ELOVL5: variants seen among roughly 807,000 people sequenced by gnomAD.
The protein encoded by ELOVL5 is ELOVL fatty acid elongase 5, also known as very long chain fatty acid elongase 5.
In ELOVL5, 8 loss-of-function variants were observed where a neutral mutation model predicts 38.6. The ratio of observed to expected loss-of-function variants is 0.21; its 90% confidence interval spans 0.12 to 0.37. ELOVL5 has a LOEUF of 0.37. ELOVL5 is among the 10% of genes least tolerant of loss of function. The pLI is 1.00. For missense variants in ELOVL5, 280 were observed against 367.8 expected (o/e 0.76, Z 1.95); for synonymous variants, 127 against 133.7 (o/e 0.95, Z 0.34).
intron 1 of ELOVL5, among the ~76,000 whole-genome samples, chr6:53,340,820 A>T (rs991289600): frequency 6.6e-6 from 1 of 152,232 alleles, no homozygotes; most frequent in Non-Finnish European, 1.5e-5. Flanking sequence ...CAAGCTATAC[A>T]TGACTTGTAC....
intron 1 of ELOVL5, among the ~76,000 whole-genome samples, chr6:53,305,555 C>T (rs1767488804): frequency 6.6e-6 from 1 of 151,450 alleles, no homozygotes; most frequent in Non-Finnish European, 1.5e-5. Flanking sequence ...CTCCTCACCT[C>T]CCAGACGGGG....
rs115303607 is a variant in ELOVL5, at chr6:53,348,735, C to T, written c.-9+82G>A. On this transcript the variant is annotated intron_variant, in intron 1 of 7. Transcript: ENST00000304434. The stretch of plus-strand genomic sequence containing the variant: ...GAGACCTAACGGCAGTTCTCTCTGA[C>T]CGCTTCCCGGCCGCGCGCTCGCGCG... The T allele has an allele frequency of 3.0e-3, 1,338 of 444,356 alleles. 17 individuals are homozygous for T. Among genetic ancestry groups the T allele is most frequent in the African/African-American group, 0.025 (1,225 of 49,064 alleles). 27.5% of individuals were successfully genotyped at this position (444,356 alleles called of 1,614,324 possible). A position where few individuals can be genotyped will look rare whatever the true frequency, so the allele number is the denominator to read the frequency against.
chr6:53,293,571 G>A lies in ELOVL5; in HGVS notation c.59-1608C>T, dbSNP rs546983182. 3.4e-4 allele frequency among the ~76,000 whole-genome samples: 52 copies of A among 152,220 alleles called. 1 individual carries two copies. Among genetic ancestry groups the A allele is most frequent in the Admixed American group, 1.6e-3 (25 of 15,280 alleles). ...GACCTCAGGGGACCCACCTGCCTTG[G>A]CCTCCCAAAGTACTGGGATTACAGG... On this transcript the variant is annotated intron_variant, in intron 2 of 7. Coordinates refer to ENST00000304434, the MANE Select transcript of ELOVL5 (RefSeq NM_021814.5).
intron 1 of ELOVL5, among the ~76,000 whole-genome samples, chr6:53,326,295 C>A (rs769872443): frequency 3.3e-5 from 5 of 152,266 alleles, no homozygotes; most frequent in Admixed American, 1.3e-4. Context: ...CCACATTGCA[C>A]CTGAGTTCTT....
At chr6:53,278,255 T>C (rs1410301315) in intron 3 of ELOVL5, among the ~76,000 whole-genome samples, 1 of 152,180 alleles carries the variant, frequency 6.6e-6, no homozygotes, top group Non-Finnish European at 1.5e-5. Context: ...GGATGGCTGG[T>C]GTGTGTGCAC....
chr6:53,320,580 C>A (rs1333314139), intron 1 of ELOVL5, among the ~76,000 whole-genome samples: 1 of 152,038 alleles, frequency 6.6e-6, no homozygotes, highest in Middle Eastern at 3.2e-3. Context: ...ACCTCGGCCT[C>A]CCAAAGTGCT....
chr6:53,340,832 A>G (rs775271123), intron 1 of ELOVL5, among the ~76,000 whole-genome samples: 2 of 152,202 alleles, frequency 1.3e-5, no homozygotes, highest in Non-Finnish European at 2.9e-5. Flanking sequence ...GACTTGTACG[A>G]CTTGTACACC....
chr6:53,305,618 G>T (rs1767496701), intron 1 of ELOVL5, among the ~76,000 whole-genome samples: 1 of 151,368 alleles, frequency 6.6e-6, no homozygotes, highest in African/African-American at 2.4e-5. Context: ...CGGCCGGGCA[G>T]AGACGCTCCT....
chr6:53,296,514 A>G (rs1383310197), intron 1 of ELOVL5, among the ~76,000 whole-genome samples: 4 of 152,218 alleles, frequency 2.6e-5, no homozygotes, highest in Non-Finnish European at 4.4e-5. Flanking sequence ...TATCATATTT[A>G]TAAGTATAAT....
chr6:53,279,418 C>T (rs149133390), intron 3 of ELOVL5, among the ~76,000 whole-genome samples: 59 of 152,320 alleles, frequency 3.9e-4, no homozygotes, highest in African/African-American at 1.3e-3. Flanking sequence ...CCTCACCTTG[C>T]AGTGACCTGT....
At chr6:53,344,052 A>G (rs945651412) in intron 1 of ELOVL5, among the ~76,000 whole-genome samples, 2 of 152,244 alleles carry the variant, frequency 1.3e-5, no homozygotes, top group Non-Finnish European at 2.9e-5. Flanking sequence ...TATAAGCTCC[A>G]TCTCTACCCA....
chr6:53,312,768 CA>C (rs1488209453), intron 1 of ELOVL5, among the ~76,000 whole-genome samples: 1 of 152,186 alleles, frequency 6.6e-6, no homozygotes, highest in Non-Finnish European at 1.5e-5. Flanking sequence ...ATGAGAAAAA[CA>C]AACTAGGCTG....
At chr6:53,280,801 C>T (rs987985385) in intron 3 of ELOVL5, among the ~76,000 whole-genome samples, 4 of 152,124 alleles carry the variant, frequency 2.6e-5, no homozygotes, top group Non-Finnish European at 5.9e-5. Context: ...CACCATGTTG[C>T]GCAGGCTGGT....
intron 1 of ELOVL5, among the ~76,000 whole-genome samples, chr6:53,348,095 G>A (rs1465252244): frequency 1.3e-5 from 2 of 149,612 alleles, no homozygotes; most frequent in African/African-American, 4.9e-5. Context: ...AGAAAGGGCC[G>A]CCCCGGTCGC....
intron 1 of ELOVL5, among the ~76,000 whole-genome samples, chr6:53,298,715 G>A (rs1370958377): frequency 6.6e-6 from 1 of 152,114 alleles, no homozygotes; most frequent in Non-Finnish European, 1.5e-5. Flanking sequence ...CTGCTTCTCG[G>A]CAGGGGCACT....
At chr6:53,294,201 C>T (rs1180028603) in intron 2 of ELOVL5, 6 of 1,472,588 alleles carry the variant, frequency 4.1e-6, no homozygotes, top group Non-Finnish European at 5.4e-6. Flanking sequence ...TCCCGGGCAC[C>T]TGACCCGAAC....
At chr6:53,339,512 C>A (rs1212434987) in intron 1 of ELOVL5, among the ~76,000 whole-genome samples, 1 of 152,164 alleles carries the variant, frequency 6.6e-6, no homozygotes, top group Non-Finnish European at 1.5e-5. Flanking sequence ...AGAATGTTTT[C>A]AAAATATAGT....
chr6:53,289,715 T>A (rs1421802938), intron 3 of ELOVL5, among the ~76,000 whole-genome samples: 3 of 152,114 alleles, frequency 2.0e-5, no homozygotes, highest in Admixed American at 2.0e-4. Flanking sequence ...AGTGAAACTG[T>A]CTCAAAACAA....
At chr6:53,311,172 C>A (rs1387537736) in intron 1 of ELOVL5, among the ~76,000 whole-genome samples, 1 of 152,124 alleles carries the variant, frequency 6.6e-6, no homozygotes, top group Admixed American at 6.5e-5. Context: ...CTAGAGACAG[C>A]CAACTGACAC....
Sources: allele counts gnomAD v4.1 joint callset (sites outside exome capture counted in the v4.1 genomes callset), GRCh38; gene constraint gnomAD v4.1.1; transcripts MANE v1.5; gene names NCBI Gene and HGNC (gene_info 2026-07-23, HGNC 2026-07-21).